The following LOC400499 variants were observed in gnomAD, a reference collection of about 807,000 sequenced individuals.
the LOC400499 span, among the ~76,000 whole-genome samples, chr16:11,518,083 C>A: frequency 6.6e-5 from 10 of 152,124 alleles, no homozygotes; most frequent in Non-Finnish European, 1.2e-4. Flanking sequence ...GGCAGTGTGG[C>A]CTCCAGGAAG....
the LOC400499 span, among the ~76,000 whole-genome samples, chr16:11,491,544 C>G: frequency 2.7e-5 from 4 of 149,280 alleles, no homozygotes; most frequent in Non-Finnish European, 4.5e-5. Context: ...AGCCCCTTAT[C>G]TAGACAGTGT....
chr16:11,387,975 G>T, the LOC400499 span, among the ~76,000 whole-genome samples: 2 of 152,142 alleles, frequency 1.3e-5, no homozygotes, highest in Non-Finnish European at 2.9e-5. Context: ...ACTTTCTCAG[G>T]ATCTAGAGTA....
At chr16:11,431,158 C>T in the LOC400499 span, 1 of 399,054 alleles carries the variant, frequency 2.5e-6, no homozygotes, top group East Asian at 3.6e-5. Context: ...GCCTCCCCTC[C>T]ATTCCTCAGA....
the LOC400499 span, among the ~76,000 whole-genome samples, chr16:11,503,145 G>A: frequency 6.4e-4 from 97 of 151,270 alleles, no homozygotes; most frequent in Admixed American, 3.6e-3. Flanking sequence ...AAACTTCTGG[G>A]CTCAAGTGAT....
chr16:11,389,227 G>A, the LOC400499 span, among the ~76,000 whole-genome samples: 3 of 152,144 alleles, frequency 2.0e-5, no homozygotes, highest in Non-Finnish European at 4.4e-5. Context: ...TGGCCACACC[G>A]TTTCATAGGA....
At chr16:11,480,411 C>T in the LOC400499 span, among the ~76,000 whole-genome samples, 1 of 152,198 alleles carries the variant, frequency 6.6e-6, no homozygotes. Flanking sequence ...GGTTAGGAAA[C>T]ATGTGACCAA....
the LOC400499 span, among the ~76,000 whole-genome samples, chr16:11,491,129 T>C: frequency 1.3e-5 from 2 of 152,330 alleles, no homozygotes; most frequent in South Asian, 2.1e-4. Flanking sequence ...CACAAAGGTT[T>C]ACTTACTTGT....
At chr16:11,506,766 A>G in the LOC400499 span, among the ~76,000 whole-genome samples, 1 of 152,108 alleles carries the variant, frequency 6.6e-6, no homozygotes, top group Non-Finnish European at 1.5e-5. Context: ...CCAGACTGAA[A>G]AACAAACCTT....
At chr16:11,454,215 C>T in the LOC400499 span, among the ~76,000 whole-genome samples, 7 of 152,240 alleles carry the variant, frequency 4.6e-5, no homozygotes, top group African/African-American at 1.4e-4. Context: ...TTATTTCCAA[C>T]CTAAAATTCT....
At chr16:11,397,753 GGGAT>G in the LOC400499 span, among the ~76,000 whole-genome samples, 55 of 40,998 alleles carry the variant, frequency 1.3e-3, 2 homozygotes, top group South Asian at 9.4e-3. Flanking sequence ...GAGGGAGGGA[GGGAT>G]GGAGGGAGGG....
At chr16:11,440,859 C>G in the LOC400499 span, 2 of 399,112 alleles carry the variant, frequency 5.0e-6, no homozygotes, top group East Asian at 7.1e-5. Flanking sequence ...AAGAAATAGA[C>G]AACACCCTTT....
chr16:11,378,062 C>G, the LOC400499 span, among the ~76,000 whole-genome samples: 1 of 151,930 alleles, frequency 6.6e-6, no homozygotes, highest in Non-Finnish European at 1.5e-5. Context: ...TTAGGCTGTT[C>G]TTTTTCTAAT....
At chr16:11,504,988 C>T in the LOC400499 span, among the ~76,000 whole-genome samples, 1 of 152,018 alleles carries the variant, frequency 6.6e-6, no homozygotes, top group Non-Finnish European at 1.5e-5. Context: ...TACTATGTTC[C>T]AGCAACTGGT....
At chr16:11,477,411 C>T in the LOC400499 span, among the ~76,000 whole-genome samples, 1 of 152,224 alleles carries the variant, frequency 6.6e-6, no homozygotes, top group South Asian at 2.1e-4. Context: ...CGCCATGTGG[C>T]CCCAGGCTGT....
the LOC400499 span, among the ~76,000 whole-genome samples, chr16:11,391,013 A>G: frequency 6.6e-6 from 1 of 152,226 alleles, no homozygotes; most frequent in Admixed American, 6.5e-5. Flanking sequence ...ACACTCCTGC[A>G]TCCCCTCACT....
chr16:11,458,651 T>G, the LOC400499 span, among the ~76,000 whole-genome samples: 3 of 152,186 alleles, frequency 2.0e-5, no homozygotes, highest in Non-Finnish European at 4.4e-5. Context: ...GGTTATAGAC[T>G]TGCAGTTTTG....
chr16:11,472,289 T>C, the LOC400499 span: 1 of 151,930 alleles, frequency 6.6e-6, no homozygotes, highest in African/African-American at 2.4e-5. Flanking sequence ...GCCTCCCAGG[T>C]TCAAGTGATT....
chr16:11,390,556 C>T, the LOC400499 span: 1 of 1,025,300 alleles, frequency 9.8e-7, no homozygotes. Flanking sequence ...GAGATAGGGC[C>T]TGTTCCTGGG....
At chr16:11,484,872 C>T in the LOC400499 span, 1 of 399,030 alleles carries the variant, frequency 2.5e-6, no homozygotes, top group Admixed American at 4.4e-5. Context: ...GTGGCCACCT[C>T]CCTTACCTTC....
Sources: gnomAD v4.1 joint callset for allele counts (sites outside exome capture counted in the v4.1 genomes callset) on GRCh38, gnomAD v4.1.1 for gene constraint, MANE v1.5 for transcripts.